ENDOG: variants seen among roughly 807,000 people sequenced by gnomAD.
ENDOG encodes endonuclease G.
A neutral mutation model predicts 22.6 loss-of-function variants in ENDOG; 22 were observed. The observed-to-expected ratio is 0.97, with a 90% CI of 0.70 to 1.39. The LOEUF is 1.39. Ranked by LOEUF, ENDOG falls within the 40% of genes most tolerant of loss-of-function variation. The pLI is 0.00. For missense variants in ENDOG, 403 were observed against 431.3 expected, an observed-to-expected ratio of 0.93 and a Z score of 0.58; for synonymous variants, 173 against 200.2, an observed-to-expected ratio of 0.86 and a Z score of 1.15.
chr9:128,822,194 C>A, intron 2 of ENDOG, 134 bp from the exon 3 acceptor site: 1 of 1,053,202 alleles, frequency 9.5e-7, no homozygotes, highest in Non-Finnish European at 1.3e-6. Context: ...AGGCAGGCTA[C>A]AGAAGTCTCA....
intron 1 of ENDOG, chr9:128,819,595 GAC>G: frequency 1.1e-5 from 2 of 188,900 alleles, no homozygotes; most frequent in Non-Finnish European, 2.2e-5. Flanking sequence ...TTTCGTGGAA[GAC>G]AGTTTTTCCA....
chr9:128,819,874 T>A (rs1830071530), intron 1 of ENDOG: 1 of 151,980 alleles, frequency 6.6e-6, no homozygotes, highest in Admixed American at 6.6e-5. Flanking sequence ...TTCCAGCTCC[T>A]ATGACAATCT....
Position 128,818,998 on chromosome 9 carries a change from G to T in ENDOG, c.314G>T (p.Arg105Leu), listed in dbSNP as rs1419438466. 5.4e-6 allele frequency: 8 copies of T among 1,482,118 alleles called. No individual in the cohort carries two copies. The highest frequency in any genetic ancestry group is 7.1e-6 in the Non-Finnish European group (8 of 1,124,268). The allele number at this position is 1,482,118 out of a possible 1,614,324, so 91.8% of individuals were successfully genotyped here. Residue 105 changes from arginine to leucine, a missense_variant, in exon 1 of 3, where the codon CGC (arginine) becomes CTC (leucine). Transcript: ENST00000372642. Reference protein sequence around the residue: ...VVEQLRPERLRGDGDRRECDF... With the variant: ...VVEQLRPERLLGDGDRRECDF... ...GAGCAGCTGCGACCCGAGCGTCTCC[G>T]CGGCGACGGCGACCGGCGCGAGTGC...
rs1332214600 is a variant in ENDOG at position 128,822,509 on chromosome 9, G to T, written c.793G>T (p.Val265Leu). ...DEAIPLERFLVPIESIERASG... is the reference protein window; with the variant it reads ...DEAIPLERFLLPIESIERASG... ...GGCCATCCCACTGGAGCGCTTCCTG[G>T]TGCCCATCGAGAGCATTGAGCGGGC... Residue 265 changes from valine to leucine, a missense_variant, in exon 3 of 3, where the codon GTG becomes TTG. Val to Leu is a conservative substitution (Grantham distance 32, BLOSUM62 1). Transcript: ENST00000372642. The T allele has an allele frequency of 1.3e-6, 2 of 1,561,244 alleles. 1 individual carries two copies. Among genetic ancestry groups the T allele is most frequent in the South Asian group, 2.4e-5 (2 of 84,934 alleles).
In ENDOG at chr9:128,819,104, TC is replaced by T; in HGVS notation, c.421del (p.His141ThrfsTer21). 6.6e-7 allele frequency: 1 copy of T among 1,519,302 alleles called. No homozygotes were observed. The highest frequency in any genetic ancestry group is 8.8e-7 in the Non-Finnish European group (1 of 1,137,308). 94.1% of individuals were successfully genotyped at this position (1,519,302 alleles called of 1,614,324 possible). On this transcript the variant is annotated frameshift_variant, in exon 1 of 3. Coordinates refer to ENST00000372642, the MANE Select transcript of ENDOG (RefSeq NM_004435.2). LOFTEE classifies it high-confidence loss of function. ...DYRGSGFDRG[H>X]LAAAANHRWS... ...ACCGCGGCAGTGGCTTCGACCGCGG[TC>T]ACCTGGCCGCCGCCGCCAACCACCG...
intron 1 of ENDOG, 172 bp from the exon 2 acceptor site, chr9:128,820,567 T>TATCA (rs1440199807): frequency 1.6e-6 from 1 of 620,164 alleles, no homozygotes; most frequent in Non-Finnish European, 2.9e-6. Context: ...GCTAGCACTC[T>TATCA]ATCAGCCCTG....
chr9:128,818,673 C>A lies in ENDOG; in HGVS notation c.-12C>A. On this transcript the variant is annotated 5_prime_UTR_variant, in exon 1 of 3. Coordinates refer to ENST00000372642, the MANE Select transcript of ENDOG (RefSeq NM_004435.2). Reference sequence around the variant, plus strand: ...CCTCGCGGGTCGCCCGCCGCTAGGTCGCTCCCCGGCCATGCGGGCGCTGCG... The same window carrying A: ...CCTCGCGGGTCGCCCGCCGCTAGGTAGCTCCCCGGCCATGCGGGCGCTGCG... 8.6e-7 allele frequency: 1 copy of A among 1,165,202 alleles called. No homozygotes were observed. Among genetic ancestry groups the A allele is most frequent in the Non-Finnish European group, 1.1e-6 (1 of 945,210 alleles). 72.2% of individuals were successfully genotyped at this position (1,165,202 alleles called of 1,614,324 possible).
rs947807793 is a variant in ENDOG, at chr9:128,819,191, G to A, written c.501+6G>A. ...TGAGCAACGTCGCGCCCCAGGTAGCGCCCGCGCCCCGGGCCGGTCGCGGAA... is the reference window on the plus strand; with the variant it reads ...TGAGCAACGTCGCGCCCCAGGTAGCACCCGCGCCCCGGGCCGGTCGCGGAA... On this transcript the variant is annotated splice_donor_region_variant and intron_variant, in intron 1 of 2. Coordinates refer to ENST00000372642, the MANE Select transcript of ENDOG (RefSeq NM_004435.2). 2.1e-5 allele frequency: 31 copies of A among 1,469,050 alleles called. No individual in the cohort carries two copies. In the African/African-American group the frequency reaches 4.3e-4, roughly 20 times the overall value. The allele number at this position is 1,469,050 out of a possible 1,614,324, so 91.0% of individuals were successfully genotyped here.
intron 2 of ENDOG, chr9:128,821,421 A>ACGCC (rs1338837062): frequency 8.9e-6 from 1 of 112,226 alleles, no homozygotes; most frequent in Non-Finnish European, 1.9e-5. Context: ...CCGAGCTCTC[A>ACGCC]TGCCTTCCCC....
At position 128,820,725 on chromosome 9, in the gene ENDOG, A is replaced by C. The variant is rs565666069; in HGVS notation, c.502-14A>C. The C allele has an allele frequency of 1.4e-4, 231 of 1,599,950 alleles. 3 individuals are homozygous for C. In the South Asian group the frequency reaches 2.2e-3, roughly 15 times the overall value. On this transcript the variant is annotated splice_polypyrimidine_tract_variant and intron_variant, in intron 1 of 2. Coordinates refer to ENST00000372642, the MANE Select transcript of ENDOG (RefSeq NM_004435.2). ...CCCAGCCACAGTCCTGCTAAGCCCTATCTCTCCTACCAGGTGCCCCACCTC... is the reference window on the plus strand; with the variant it reads ...CCCAGCCACAGTCCTGCTAAGCCCTCTCTCTCCTACCAGGTGCCCCACCTC...
chr9:128,819,043 C>G lies in ENDOG; in HGVS notation c.359C>G (p.Ser120Trp). The change falls in exon 1 of 3, where the codon TCG becomes TGG. Residue 120 changes from serine to tryptophan, a missense_variant. Ser to Trp is a radical substitution (Grantham distance 177). Transcript: ENST00000372642. ...RRECDFREDD[S>W]VHAYHRATNA... ...GAGTGCGACTTCCGCGAGGACGACT[C>G]GGTGCACGCGTACCACCGTGCCACC... The G allele has an allele frequency of 6.7e-7, 1 of 1,498,112 alleles. No individual in the cohort carries two copies. The highest frequency in any genetic ancestry group is 8.8e-7 in the Non-Finnish European group (1 of 1,130,698). The allele number at this position is 1,498,112 out of a possible 1,614,324, so 92.8% of individuals were successfully genotyped here. A position where few individuals can be genotyped will look rare whatever the true frequency, so the allele number is the denominator to read the frequency against.
chr9:128,821,125 C>G (rs1830104961), intron 2 of ENDOG: 4 of 497,294 alleles, frequency 8.0e-6, no homozygotes, highest in Non-Finnish European at 7.3e-6. Context: ...TCTTGGCATG[C>G]CCACCCAATC....
Position 128,820,765 on chromosome 9 carries a change from G to C in ENDOG, c.528G>C (p.Trp176Cys), listed in dbSNP as rs766793888. 2 of 1,611,794 alleles carry C rather than the reference G, an allele frequency of 1.2e-6. No individual in the cohort carries two copies. Among genetic ancestry groups the C allele is most frequent in the East Asian group, 4.5e-5 (2 of 44,868 alleles). The change falls in exon 2 of 3, where the codon TGG becomes TGC. Residue 176 changes from tryptophan to cysteine, a missense_variant. Coordinates refer to ENST00000372642, the MANE Select transcript of ENDOG (RefSeq NM_004435.2). ...PQVPHLNQNA[W>C]NNLEKYSRSL... ...TGCCCCACCTCAACCAGAATGCCTG[G>C]AACAACCTGGAGAAATATAGCCGCA...
In ENDOG at chr9:128,822,559, C is replaced by A; in HGVS notation, c.843C>A (p.Asn281Lys). Residue 281 changes from asparagine (N) to lysine (K), a missense_variant, in exon 3 of 3, where the codon AAC (asparagine) becomes AAA (lysine). By Grantham distance (94) the Asn-to-Lys change is moderately conservative. Coordinates refer to ENST00000372642, the MANE Select transcript of ENDOG (RefSeq NM_004435.2). ...ERASGLLFVPNILARAGSLKA... is the reference protein window; with the variant it reads ...ERASGLLFVPKILARAGSLKA... ...CTTCGGGGCTGCTCTTTGTGCCAAA[C>A]ATCCTGGCGCGGGCAGGCAGCCTCA... 1 of 1,563,962 alleles carries A rather than the reference C, an allele frequency of 6.4e-7. No individual in the cohort carries two copies. The highest frequency in any genetic ancestry group is 8.7e-7 in the Non-Finnish European group (1 of 1,153,842).
In ENDOG at chr9:128,820,798, C is replaced by T; in HGVS notation, c.561C>T (p.Thr187=). 2 of 1,612,648 alleles carry T rather than the reference C, an allele frequency of 1.2e-6. No homozygotes were observed. The highest frequency in any genetic ancestry group is 1.7e-6 in the Non-Finnish European group (2 of 1,179,368). The change falls in exon 2 of 3, where the codon ACC becomes ACT. Residue 187 remains threonine (T), a synonymous_variant. Coordinates refer to ENST00000372642, the MANE Select transcript of ENDOG (RefSeq NM_004435.2). ...TGGAGAAATATAGCCGCAGCTTGAC[C>T]CGCAGCTACCAAAACGTCTATGTCT... ...NNLEKYSRSL[T]RSYQNVYVCT... is the part of the protein sequence containing the mutation.
In ENDOG at chr9:128,820,928, C is replaced by A. The variant is rs546113970; in HGVS notation, c.611+80C>A. Reference sequence around the variant, plus strand: ...TGCCACTCACAGGGCCAGGCTTGCCCCAGGCTCTGGGTCAATACCAGTTCC... The same window carrying A: ...TGCCACTCACAGGGCCAGGCTTGCCACAGGCTCTGGGTCAATACCAGTTCC... On this transcript the variant is annotated intron_variant, in intron 2 of 2. Coordinates refer to ENST00000372642, the MANE Select transcript of ENDOG (RefSeq NM_004435.2). 3.9e-5 allele frequency: 52 copies of A among 1,347,034 alleles called. No homozygotes were observed. In the South Asian group the frequency reaches 6.5e-4, roughly 17 times the overall value. The allele number at this position is 1,347,034 out of a possible 1,614,324, so 83.4% of individuals were successfully genotyped here. A position where few individuals can be genotyped will look rare whatever the true frequency, so the allele number is the denominator to read the frequency against.
chr9:128,820,037 T>C (rs986177339), intron 1 of ENDOG: 4 of 152,198 alleles, frequency 2.6e-5, no homozygotes, highest in Admixed American at 1.3e-4. Flanking sequence ...AGCCCAGGGG[T>C]TGGGGACCCC....
At chr9:128,821,205 T>C in intron 2 of ENDOG, 1 of 301,934 alleles carries the variant, frequency 3.3e-6, no homozygotes, top group Non-Finnish European at 6.4e-6. Flanking sequence ...CCCCCGCAGG[T>C]CTGCAGTGCA....
At position 128,818,812 on chromosome 9, in the gene ENDOG, TGCCCGTGGC is replaced by T. The variant is rs1471305834; in HGVS notation, c.130_138del (p.Pro44_Ala46del). ...GGACTGCTGGGCCGGCTGCCCGTGC[TGCCCGTGGC>T]GGCGGCAGCCGAGTTGCCCCCTGTG... On this transcript the variant is annotated inframe_deletion, in exon 1 of 3. Coordinates refer to ENST00000372642, the MANE Select transcript of ENDOG (RefSeq NM_004435.2). 9 of 1,281,912 alleles carry T rather than the reference TGCCCGTGGC, an allele frequency of 7.0e-6. No homozygotes were observed. In the East Asian group the frequency reaches 1.6e-4, roughly 23 times the overall value. The allele number at this position is 1,281,912 out of a possible 1,614,324, so 79.4% of individuals were successfully genotyped here. A position where few individuals can be genotyped will look rare whatever the true frequency, so the allele number is the denominator to read the frequency against.
Sources: gnomAD v4.1 joint callset for allele counts on GRCh38, gnomAD v4.1.1 for gene constraint, MANE v1.5 for transcripts, NCBI Gene and HGNC (gene_info 2026-07-23, HGNC 2026-07-21) for gene names.